ZFPM2: variants seen among roughly 807,000 people sequenced by gnomAD.
The protein encoded by ZFPM2 is zinc finger protein ZFPM2.
A neutral mutation model predicts 98.6 loss-of-function variants in ZFPM2; 20 were observed. The ratio of observed to expected loss-of-function variants is 0.20; its 90% CI spans 0.14 to 0.29. The LOEUF (loss-of-function observed/expected upper bound fraction) is 0.29, where lower values mean the gene tolerates loss of function less well. Ranked by LOEUF, ZFPM2 falls within the 10% of genes least tolerant of loss-of-function variation. ZFPM2 has a pLI of 1.00. For synonymous variants in ZFPM2, 518 were observed against 502.7 expected, an observed-to-expected ratio of 1.03 and a Z score of -0.41; for missense variants, 1,310 against 1,388.6, an observed-to-expected ratio of 0.94 and a Z score of 0.90.
At chr8:105,491,427 T>C (rs1287400528) in intron 3 of ZFPM2, among the ~76,000 whole-genome samples, 1 of 152,184 alleles carries the variant, frequency 6.6e-6, no homozygotes, top group African/African-American at 2.4e-5. Flanking sequence ...CAAGCCGGCA[T>C]TAATTAAAGC....
At chr8:105,653,852 A>ATATT (rs1563506586) in intron 5 of ZFPM2, among the ~76,000 whole-genome samples, 1 of 56,226 alleles carries the variant, frequency 1.8e-5, no homozygotes, top group Non-Finnish European at 3.7e-5. Flanking sequence ...CTTGTGTGCT[A>ATATT]TCTTTTTTTT....
intron 5 of ZFPM2, chr8:105,691,004 A>T (rs1810866110): frequency 6.6e-6 from 1 of 152,078 alleles, no homozygotes; most frequent in East Asian, 1.9e-4. Flanking sequence ...GATAGAGGAG[A>T]TGGCATTTGA....
chr8:105,750,571 TGTCTC>T (rs1290066010), intron 5 of ZFPM2, among the ~76,000 whole-genome samples: 1 of 152,096 alleles, frequency 6.6e-6, no homozygotes, highest in African/African-American at 2.4e-5. Context: ...AAAATATTTC[TGTCTC>T]TCACAATTTT....
intron 3 of ZFPM2, among the ~76,000 whole-genome samples, chr8:105,456,563 T>C (rs1812596802): frequency 6.6e-6 from 1 of 152,218 alleles, no homozygotes. Context: ...TTTAGGGGTA[T>C]GCTTCCAGAG....
At chr8:105,638,687 A>G (rs1441672517) in intron 5 of ZFPM2, among the ~76,000 whole-genome samples, 1 of 152,088 alleles carries the variant, frequency 6.6e-6, no homozygotes, top group Non-Finnish European at 1.5e-5. Flanking sequence ...TTAATGTTTA[A>G]CTATTACCAT....
chr8:105,633,099 G>C (rs1816782848), intron 4 of ZFPM2, among the ~76,000 whole-genome samples: 2 of 152,196 alleles, frequency 1.3e-5, no homozygotes, highest in South Asian at 4.1e-4. Flanking sequence ...TCATGAGGCA[G>C]GTGAAATGGG....
In ZFPM2 at chr8:105,534,103, C is replaced by CT. The variant is rs1563704600; in HGVS notation, c.302-27259dup. Among the ~76,000 whole-genome samples the CT allele has an allele frequency of 5.6e-5, 3 of 53,768 alleles. 1 individual carries two copies. The highest frequency in any genetic ancestry group is 1.9e-4 in the Admixed American group (1 of 5,368). 35.3% of individuals were successfully genotyped at this position (53,768 alleles called of 152,430 possible). A position where few individuals can be genotyped will look rare whatever the true frequency, so the allele number is the denominator to read the frequency against. On this transcript the variant is annotated intron_variant, in intron 3 of 7. Coordinates refer to ENST00000407775, the MANE Select transcript of ZFPM2 (RefSeq NM_012082.4). ...CCCATCTTCCTCCCTCCCTCCCTTC[C>CT]TCCCTTCCTTCCTCCCTTCCTTCCT... is the stretch of plus-strand genomic sequence containing the variant.
intron 5 of ZFPM2, among the ~76,000 whole-genome samples, chr8:105,712,679 A>G (rs1811432373): frequency 6.6e-6 from 1 of 151,982 alleles, no homozygotes; most frequent in Admixed American, 6.6e-5. Context: ...TGAACATAGT[A>G]CCCAATAGGA....
chr8:105,336,568 C>G (rs1812328473), intron 1 of ZFPM2, among the ~76,000 whole-genome samples: 1 of 151,410 alleles, frequency 6.6e-6, no homozygotes, highest in Admixed American at 6.6e-5. Context: ...AATAATTTTG[C>G]TCAAATCACC....
At chr8:105,794,652 T>C (rs1813733990) in intron 6 of ZFPM2, among the ~76,000 whole-genome samples, 1 of 152,310 alleles carries the variant, frequency 6.6e-6, no homozygotes, top group African/African-American at 2.4e-5. Context: ...GTTACTGCTG[T>C]CTTTTTGTTT....
At chr8:105,493,570 A>G (rs1813398277) in intron 3 of ZFPM2, among the ~76,000 whole-genome samples, 1 of 152,112 alleles carries the variant, frequency 6.6e-6, no homozygotes, top group Non-Finnish European at 1.5e-5. Context: ...GACAAACACT[A>G]AAGTTTGTGC....
At chr8:105,658,199 C>T (rs1050387323) in intron 5 of ZFPM2, among the ~76,000 whole-genome samples, 2 of 152,110 alleles carry the variant, frequency 1.3e-5, no homozygotes, top group Non-Finnish European at 2.9e-5. Flanking sequence ...TTTGACTGAA[C>T]GAGTTCTGCC....
chr8:105,786,091 C>T (rs1157218948), intron 5 of ZFPM2, among the ~76,000 whole-genome samples: 7 of 149,794 alleles, frequency 4.7e-5, no homozygotes, highest in East Asian at 3.9e-4. Context: ...GTGATGTTCA[C>T]GCCTGTAGTC....
At position 105,693,068 on chromosome 8, in the gene ZFPM2, G is replaced by C. The variant is rs146120144; in HGVS notation, c.532+58711G>C. 1.3e-4 allele frequency among the ~76,000 whole-genome samples: 20 copies of C among 152,320 alleles called. No individual in the cohort carries two copies. In the East Asian group the frequency reaches 3.3e-3, roughly 25 times the overall value. ...CATGAGAAGAGCCTAAGCTACGGTCGCATGGTGCCCTTCTGTTGAGTTGGA... is the reference window on the plus strand; with the variant it reads ...CATGAGAAGAGCCTAAGCTACGGTCCCATGGTGCCCTTCTGTTGAGTTGGA... On this transcript the variant is annotated intron_variant, in intron 5 of 7. Transcript: ENST00000407775.
At chr8:105,492,464 A>G (rs1813374474) in intron 3 of ZFPM2, among the ~76,000 whole-genome samples, 2 of 152,164 alleles carry the variant, frequency 1.3e-5, no homozygotes, top group South Asian at 2.1e-4. Flanking sequence ...ATGCTTAGAC[A>G]TCTGTTTCAC....
chr8:105,442,261 A>T (rs1286901154), intron 2 of ZFPM2, among the ~76,000 whole-genome samples: 2 of 151,910 alleles, frequency 1.3e-5, no homozygotes, highest in Admixed American at 6.6e-5. Flanking sequence ...GGAGAATGGC[A>T]TGAACTCAGG....
chr8:105,419,075 T>C lies in ZFPM2; in HGVS notation c.41-69T>C, dbSNP rs919064315. Reference sequence around the variant, plus strand: ...TCACCACTGTAACAAAAAAAGGCTCTATTTAAGGATTTTATTTCACTGTCT... The same window carrying C: ...TCACCACTGTAACAAAAAAAGGCTCCATTTAAGGATTTTATTTCACTGTCT... On this transcript the variant is annotated intron_variant, in intron 1 of 7. Transcript: ENST00000407775. 13 of 1,493,642 alleles carry C rather than the reference T, an allele frequency of 8.7e-6. No homozygotes were observed. The African/African-American group carries it at 9.9e-5, about 11-fold the overall frequency. The allele number at this position is 1,493,642 out of a possible 1,614,324, so 92.5% of individuals were successfully genotyped here.
chr8:105,668,762 A>G (rs1382158703), intron 5 of ZFPM2, among the ~76,000 whole-genome samples: 1 of 152,190 alleles, frequency 6.6e-6, no homozygotes, highest in Non-Finnish European at 1.5e-5. Context: ...TTTTCTTATT[A>G]CAGAATATTG....
chr8:105,628,762 A>C (rs1214170542), intron 4 of ZFPM2, among the ~76,000 whole-genome samples: 1 of 152,046 alleles, frequency 6.6e-6, no homozygotes, highest in East Asian at 1.9e-4. Flanking sequence ...TTTCGTAGAC[A>C]ATAAAATCCC....
Sources: allele counts gnomAD v4.1 joint callset (sites outside exome capture counted in the v4.1 genomes callset), GRCh38; gene constraint gnomAD v4.1.1; transcripts MANE v1.5; gene names NCBI Gene and HGNC (gene_info 2026-07-23, HGNC 2026-07-21).